ANKS1B: variants seen among roughly 807,000 people sequenced by gnomAD.
The protein encoded by ANKS1B is ankyrin repeat and sterile alpha motif domain-containing protein 1B.
A neutral mutation model predicts 148.3 loss-of-function variants in ANKS1B; 36 were observed. That is an observed-to-expected ratio of 0.24 (90% CI 0.19 to 0.32). The LOEUF is 0.32. Ranked by LOEUF, ANKS1B falls within the 10% of genes least tolerant of loss-of-function variation. ANKS1B has a pLI of 1.00. For missense variants in ANKS1B, 1,157 were observed against 1,542.6 expected (o/e 0.75, Z 4.19); for synonymous variants, 542 against 560.8 (o/e 0.97, Z 0.47).
At chr12:98,900,680 T>C (rs2099770782) in intron 17 of ANKS1B, among the ~76,000 whole-genome samples, 1 of 152,238 alleles carries the variant, frequency 6.6e-6, no homozygotes, top group Non-Finnish European at 1.5e-5. Context: ...CAGGTGTGTA[T>C]GTGTGTATTC....
intron 10 of ANKS1B, among the ~76,000 whole-genome samples, chr12:99,465,264 G>T (rs986955894): frequency 1.3e-5 from 2 of 151,902 alleles, no homozygotes; most frequent in Non-Finnish European, 2.9e-5. Flanking sequence ...TCACCACCAG[G>T]CCTGCCCTAA....
intron 19 of ANKS1B, among the ~76,000 whole-genome samples, chr12:98,823,580 C>T (rs1440120931): frequency 1.3e-5 from 2 of 152,244 alleles, no homozygotes; most frequent in African/African-American, 4.8e-5. Flanking sequence ...ACCTCTGCCT[C>T]CAGGGTTCAA....
intron 12 of ANKS1B, among the ~76,000 whole-genome samples, chr12:99,317,462 G>C (rs1378751062): frequency 6.6e-6 from 1 of 152,054 alleles, no homozygotes; most frequent in Non-Finnish European, 1.5e-5. Context: ...TTGGCTCTCT[G>C]TTTGTCTGTG....
chr12:99,550,405 A>G (rs377123497), intron 9 of ANKS1B, among the ~76,000 whole-genome samples: 6 of 152,146 alleles, frequency 3.9e-5, no homozygotes, highest in Middle Eastern at 3.4e-3. Context: ...AGGCAGATCA[A>G]TTGAGGTCAG....
intron 15 of ANKS1B, among the ~76,000 whole-genome samples, chr12:99,111,818 T>A (rs539350324): frequency 6.6e-6 from 1 of 152,084 alleles, no homozygotes; most frequent in Non-Finnish European, 1.5e-5. Flanking sequence ...AACAAGGCGA[T>A]GGTGGCAGTA....
At chr12:99,958,393 G>A (rs2095355238) in intron 1 of ANKS1B, among the ~76,000 whole-genome samples, 1 of 151,952 alleles carries the variant, frequency 6.6e-6, no homozygotes, top group African/African-American at 2.4e-5. Flanking sequence ...GTTTTTGGGG[G>A]GTTTTTTGAG....
intron 15 of ANKS1B, among the ~76,000 whole-genome samples, chr12:99,127,088 C>G (rs1245168484): frequency 6.6e-6 from 1 of 152,168 alleles, no homozygotes; most frequent in Non-Finnish European, 1.5e-5. Context: ...CAACTTTCTG[C>G]TGAAAAAATA....
intron 9 of ANKS1B, among the ~76,000 whole-genome samples, 178 bp downstream of exon 9, chr12:99,654,879 GCATATGTACA>G (rs1410759674): frequency 6.6e-6 from 1 of 151,738 alleles, no homozygotes; most frequent in Non-Finnish European, 1.5e-5. Flanking sequence ...TTATGTCTTC[GCATATGTACA>G]CATATGCACA....
At chr12:99,864,632 T>C (rs2090491212) in intron 1 of ANKS1B, among the ~76,000 whole-genome samples, 1 of 152,144 alleles carries the variant, frequency 6.6e-6, no homozygotes, top group African/African-American at 2.4e-5. Context: ...AGGACTGGGG[T>C]CTGAATTCAG....
chr12:99,313,592 G>C (rs1310698301), intron 12 of ANKS1B, among the ~76,000 whole-genome samples: 1 of 152,064 alleles, frequency 6.6e-6, no homozygotes, highest in Admixed American at 6.6e-5. Flanking sequence ...CTTCCTTCCT[G>C]GGTTGCAAGG....
chr12:99,636,966 A>G (rs1214314817), intron 9 of ANKS1B, among the ~76,000 whole-genome samples: 1 of 152,220 alleles, frequency 6.6e-6, no homozygotes, highest in African/African-American at 2.4e-5. Flanking sequence ...AAGGGAAACA[A>G]AAGTTCCTTC....
At chr12:99,194,759 T>A (rs1004238441) in intron 14 of ANKS1B, among the ~76,000 whole-genome samples, 5 of 152,306 alleles carry the variant, frequency 3.3e-5, no homozygotes, top group African/African-American at 9.6e-5. Context: ...GGTTATTTTT[T>A]AAAGTTGTTA....
chr12:99,072,369 T>C (rs981605182), intron 16 of ANKS1B, among the ~76,000 whole-genome samples: 2 of 152,152 alleles, frequency 1.3e-5, no homozygotes, highest in Non-Finnish European at 2.9e-5. Context: ...TGTATTTATA[T>C]CTCACAATGA....
intron 9 of ANKS1B, among the ~76,000 whole-genome samples, chr12:99,551,551 AGGGGAGGGGAGGGG>A (rs2097218843): frequency 8.4e-5 from 2 of 23,834 alleles, no homozygotes; most frequent in Non-Finnish European, 1.8e-4. Flanking sequence ...AGGGGAGGGG[AGGGGAGGGGAGGGG>A]AGGGGAGAGG....
intron 1 of ANKS1B, among the ~76,000 whole-genome samples, chr12:99,887,566 G>T (rs960243815): frequency 9.9e-5 from 15 of 152,132 alleles, no homozygotes; most frequent in African/African-American, 3.6e-4. Context: ...CAAACATTTA[G>T]GTTTACTTCC....
chr12:98,930,319 C>T (rs191360540), intron 17 of ANKS1B, among the ~76,000 whole-genome samples: 3 of 152,230 alleles, frequency 2.0e-5, no homozygotes, highest in Admixed American at 2.0e-4. Context: ...TTGTAACTCT[C>T]ATATGTTACT....
At chr12:99,278,528 G>T (rs1005211014) in intron 12 of ANKS1B, among the ~76,000 whole-genome samples, 7 of 152,090 alleles carry the variant, frequency 4.6e-5, no homozygotes, top group African/African-American at 1.7e-4. Context: ...GTTTCCATAT[G>T]CTTTTGTGTA....
intron 17 of ANKS1B, among the ~76,000 whole-genome samples, chr12:98,999,523 T>C (rs925351211): frequency 6.6e-6 from 1 of 152,208 alleles, no homozygotes; most frequent in Non-Finnish European, 1.5e-5. Context: ...AAGGATACTT[T>C]ATGTTTTTGC....
intron 9 of ANKS1B, among the ~76,000 whole-genome samples, chr12:99,583,451 A>C (rs1337116083): frequency 6.6e-6 from 1 of 152,208 alleles, no homozygotes; most frequent in Non-Finnish European, 1.5e-5. Context: ...GCTATAAATT[A>C]ATGAATGGTA....
Sources: allele counts gnomAD v4.1 joint callset (sites outside exome capture counted in the v4.1 genomes callset), GRCh38; gene constraint gnomAD v4.1.1; transcripts MANE v1.5; gene names NCBI Gene and HGNC (gene_info 2026-07-23, HGNC 2026-07-21).